EXOC5: variants seen among roughly 807,000 people sequenced by gnomAD.
EXOC5 encodes the protein exocyst complex component 5.
In EXOC5, 17 loss-of-function variants were observed where a neutral mutation model predicts 90.8. The ratio of observed to expected loss-of-function variants is 0.19; its 90% CI spans 0.13 to 0.28. EXOC5 has a LOEUF of 0.28. Ranked by LOEUF, EXOC5 falls within the 10% of genes least tolerant of loss-of-function variation. EXOC5 has a pLI of 1.00. For synonymous variants in EXOC5, 260 were observed against 270.0 expected (o/e 0.96, Z 0.36); for missense variants, 569 against 830.6 (o/e 0.69, Z 3.87).
At chr14:57,211,292 G>A (rs1196511935) in intron 15 of EXOC5, among the ~76,000 whole-genome samples, 1 of 152,120 alleles carries the variant, frequency 6.6e-6, no homozygotes, top group Non-Finnish European at 1.5e-5. Context: ...ATGAGCAACT[G>A]GAGTCTCACT....
chr14:57,241,735 G>A (rs1343740497), intron 4 of EXOC5, among the ~76,000 whole-genome samples: 1 of 152,124 alleles, frequency 6.6e-6, no homozygotes, highest in Non-Finnish European at 1.5e-5. Context: ...AATAGTTATT[G>A]ACATTTGGGT....
Position 57,236,545 on chromosome 14 carries a change from C to T in EXOC5, c.560-725G>A, listed in dbSNP as rs183545258. Among the ~76,000 whole-genome samples the T allele has an allele frequency of 7.6e-3, 1,152 of 152,134 alleles. 17 individuals are homozygous for T. Among genetic ancestry groups the T allele is most frequent in the African/African-American group, 0.026 (1,092 of 41,500 alleles). The stretch of plus-strand genomic sequence containing the variant: ...AGGTGATCCACCCGCCTCGGCCTCC[C>T]AAAGTGCTGGGATTACAGGTGCGAA... On this transcript the variant is annotated intron_variant, in intron 6 of 17. Coordinates refer to ENST00000621441, the MANE Select transcript of EXOC5 (RefSeq NM_006544.4).
At chr14:57,256,071 C>T (rs991467037) in intron 1 of EXOC5, among the ~76,000 whole-genome samples, 2 of 152,106 alleles carry the variant, frequency 1.3e-5, no homozygotes, top group Admixed American at 6.5e-5. Flanking sequence ...CTTTTGCCTA[C>T]GAACATAGTA....
At chr14:57,245,858 A>T (rs1884017288) in intron 3 of EXOC5, among the ~76,000 whole-genome samples, 1 of 151,878 alleles carries the variant, frequency 6.6e-6, no homozygotes, top group Non-Finnish European at 1.5e-5. Context: ...TTCAAGACAA[A>T]CCTGGCCAAC....
At chr14:57,211,644 G>T (rs1221301986) in intron 15 of EXOC5, 1 of 152,272 alleles carries the variant, frequency 6.6e-6, no homozygotes, top group African/African-American at 2.4e-5. Flanking sequence ...AGGCCGAGGT[G>T]GGAGGATCAC....
chr14:57,268,854 C>G lies in EXOC5; in HGVS notation c.-206G>C. 1.5e-6 allele frequency: 2 copies of G among 1,310,432 alleles called. No homozygotes were observed. Among genetic ancestry groups the G allele is most frequent in the Non-Finnish European group, 2.0e-6 (2 of 1,003,316 alleles). 81.2% of individuals were successfully genotyped at this position (1,310,432 alleles called of 1,614,324 possible). A position where few individuals can be genotyped will look rare whatever the true frequency, so the allele number is the denominator to read the frequency against. ...CAAACGCTTGTCAGCTGCCTCCCGG[C>G]GCCGCCCGCGCTGCTCCCATTGTCA... is the stretch of plus-strand genomic sequence containing the variant. On this transcript the variant is annotated 5_prime_UTR_variant, in exon 1 of 18. Coordinates refer to ENST00000621441, the MANE Select transcript of EXOC5 (RefSeq NM_006544.4).
intron 9 of EXOC5, chr14:57,233,014 C>G (rs920555968): frequency 8.2e-6 from 2 of 244,326 alleles, no homozygotes; most frequent in African/African-American, 4.5e-5. Flanking sequence ...CTATTCTGCT[C>G]TGTGAGGTGC....
chr14:57,256,660 C>T (rs1044091099), intron 1 of EXOC5, among the ~76,000 whole-genome samples: 4 of 152,192 alleles, frequency 2.6e-5, no homozygotes, highest in African/African-American at 7.2e-5. Context: ...GCTCTAACTG[C>T]TAATAGTGCT....
intron 11 of EXOC5, among the ~76,000 whole-genome samples, chr14:57,230,979 A>G (rs1329494464): frequency 1.3e-5 from 2 of 149,228 alleles, no homozygotes; most frequent in African/African-American, 4.9e-5. Flanking sequence ...GTTTTAAAAC[A>G]TTATTTTTTA....
Position 57,215,231 on chromosome 14 carries a change from C to CAA in EXOC5, c.1613+2749_1613+2750dup, listed in dbSNP as rs879718496. Reference sequence around the variant, plus strand: ...TGGGCAACAGAGGGAGACTCCGTCTCAAAAAAAAAAAAGAAGAAGAAGAAT... The same window carrying CAA: ...TGGGCAACAGAGGGAGACTCCGTCTCAAAAAAAAAAAAAAGAAGAAGAAGAAT... On this transcript the variant is annotated intron_variant, in intron 15 of 17. Transcript: ENST00000621441. 5.6e-4 allele frequency among the ~76,000 whole-genome samples: 74 copies of CAA among 132,544 alleles called. No individual in the cohort carries two copies. In the East Asian group the frequency reaches 0.015, roughly 28 times the overall value. The allele number at this position is 132,544 out of a possible 152,430, so 87.0% of individuals were successfully genotyped here. A position where few individuals can be genotyped will look rare whatever the true frequency, so the allele number is the denominator to read the frequency against.
At chr14:57,228,562 G>T (rs557426009) in intron 12 of EXOC5, among the ~76,000 whole-genome samples, 4 of 152,228 alleles carry the variant, frequency 2.6e-5, no homozygotes, top group East Asian at 1.9e-4. Flanking sequence ...CAGGGACACA[G>T]ATGAAGCTAG....
chr14:57,229,761 G>C lies in EXOC5; in HGVS notation c.1269C>G (p.Thr423=). Residue 423 remains threonine, a synonymous_variant, in exon 12 of 18, where the codon ACC becomes ACG. Transcript: ENST00000621441. ...TATGACATCTTTCAAAGGCTTGTTT[G>C]GTTTCTTGTAAAAGATTAACCACCA... ...QEVVVNLLQE[T]KQAFERCHRL... is the part of the protein sequence containing the mutation. The C allele has an allele frequency of 1.3e-6, 2 of 1,524,006 alleles. No homozygotes were observed. The highest frequency in any genetic ancestry group is 8.9e-7 in the Non-Finnish European group (1 of 1,128,950). 94.4% of individuals were successfully genotyped at this position (1,524,006 alleles called of 1,614,324 possible). A position where few individuals can be genotyped will look rare whatever the true frequency, so the allele number is the denominator to read the frequency against.
chr14:57,208,422 GT>G lies in EXOC5; in HGVS notation c.*186del. The G allele has an allele frequency of 2.3e-6, 1 of 428,506 alleles. No individual in the cohort carries two copies. 26.5% of individuals were successfully genotyped at this position (428,506 alleles called of 1,614,324 possible). On this transcript the variant is annotated 3_prime_UTR_variant, in exon 18 of 18. Transcript: ENST00000621441. ...AGGGGAAAAAAGCAAAATATAGCTA[GT>G]GGTATCCAAACTTTAAATAAAACCT...
At chr14:57,262,506 T>A (rs1566508031) in intron 1 of EXOC5, among the ~76,000 whole-genome samples, 1 of 151,108 alleles carries the variant, frequency 6.6e-6, no homozygotes, top group Non-Finnish European at 1.5e-5. Flanking sequence ...TTTACCAGGA[T>A]GTCTTGCTAA....
intron 15 of EXOC5, among the ~76,000 whole-genome samples, chr14:57,214,959 G>C (rs575275440): frequency 6.6e-6 from 1 of 152,298 alleles, no homozygotes; most frequent in Admixed American, 6.5e-5. Flanking sequence ...GCTGGGCGCA[G>C]TGACTCATAC....
intron 12 of EXOC5, among the ~76,000 whole-genome samples, chr14:57,228,386 T>C (rs184045264): frequency 3.2e-4 from 49 of 152,292 alleles, no homozygotes; most frequent in Admixed American, 1.4e-3. Flanking sequence ...ATCATTCTAC[T>C]ATTAAGACAC....
chr14:57,210,240 A>G (rs1186862641), intron 15 of EXOC5, among the ~76,000 whole-genome samples, 179 bp from the exon 16 acceptor site: 1 of 152,192 alleles, frequency 6.6e-6, no homozygotes, highest in Non-Finnish European at 1.5e-5. Context: ...AATATGAAAG[A>G]GCTCTTGGTT....
chr14:57,201,927 TAATA>T lies in EXOC5; in HGVS notation c.*6678_*6681del, dbSNP rs1484910803. The T allele has an allele frequency of 3.3e-5, 5 of 152,042 alleles. No individual in the cohort carries two copies. Among genetic ancestry groups the T allele is most frequent in the African/African-American group, 1.2e-4 (5 of 41,414 alleles). The allele number at this position is 152,042 out of a possible 1,614,324, so 9.4% of individuals were successfully genotyped here. On this transcript the variant is annotated 3_prime_UTR_variant, in exon 18 of 18. Transcript: ENST00000621441. Reference sequence around the variant, plus strand: ...GGGACCTATATATGTCTGTATCTATTAATATATATCTACCTCCAAAATATTTACA... The same window carrying T: ...GGGACCTATATATGTCTGTATCTATTTATATCTACCTCCAAAATATTTACA...
Position 57,207,469 on chromosome 14 carries a change from T to C in EXOC5, c.*1140A>G, listed in dbSNP as rs908628706. On this transcript the variant is annotated 3_prime_UTR_variant, in exon 18 of 18. Transcript: ENST00000621441. Reference sequence around the variant, plus strand: ...AATTTTCACTTGATATTTAAAATTTTATAAGTGATTTATTATGTCATCAAA... The same window carrying C: ...AATTTTCACTTGATATTTAAAATTTCATAAGTGATTTATTATGTCATCAAA... The C allele has an allele frequency of 2.0e-5, 3 of 152,486 alleles. No individual in the cohort carries two copies. Among genetic ancestry groups the C allele is most frequent in the Admixed American group, 2.0e-4 (3 of 15,254 alleles). The allele number at this position is 152,486 out of a possible 1,614,324, so 9.4% of individuals were successfully genotyped here. A position where few individuals can be genotyped will look rare whatever the true frequency, so the allele number is the denominator to read the frequency against.
Sources: gnomAD v4.1 joint callset for allele counts (sites outside exome capture counted in the v4.1 genomes callset) on GRCh38, gnomAD v4.1.1 for gene constraint, MANE v1.5 for transcripts, NCBI Gene and HGNC (gene_info 2026-07-23, HGNC 2026-07-21) for gene names.